The following DAZAP1 variants were observed in gnomAD, a reference collection of about 807,000 sequenced individuals.
DAZAP1 encodes the protein DAZ associated protein 1, also known as DAZ-associated protein 1.
DAZAP1 carries 6 observed loss-of-function variants against 60.1 expected under a neutral mutation model. That is an observed-to-expected ratio of 0.10 (90% CI 0.05 to 0.20). DAZAP1 has a LOEUF of 0.20. DAZAP1 is among the 10% of genes least tolerant of loss of function. The pLI is 1.00. For synonymous variants in DAZAP1, 235 were observed against 215.9 expected, an observed-to-expected ratio of 1.09 and a Z score of -0.78; for missense variants, 366 against 560.4, an observed-to-expected ratio of 0.65 and a Z score of 3.50.
At chr19:1,424,568 C>T (rs1379704127) in intron 6 of DAZAP1, among the ~76,000 whole-genome samples, 1 of 151,886 alleles carries the variant, frequency 6.6e-6, no homozygotes, top group Non-Finnish European at 1.5e-5. Context: ...GCAGCCCTGG[C>T]CCCTGTCTCT....
rs896090356 is a variant in DAZAP1 at position 1,425,149 on chromosome 19, G to A, written c.464-729G>A. Among the ~76,000 whole-genome samples, 20 of 152,290 alleles carry A rather than the reference G, an allele frequency of 1.3e-4. No individual in the cohort carries two copies. Among genetic ancestry groups the A allele is most frequent in the Admixed American group, 1.2e-3 (18 of 15,300 alleles). Reference sequence around the variant, plus strand: ...GTTGTGGCCTGTATCTTTGTGCATTGTTTCTCTACCTGTATAGAACATGCA... The same window carrying A: ...GTTGTGGCCTGTATCTTTGTGCATTATTTCTCTACCTGTATAGAACATGCA... On this transcript the variant is annotated intron_variant, in intron 6 of 11. Transcript: ENST00000233078. This position sits in a 1 kb window ranked among gnomAD's most constrained non-coding sequence, Gnocchi z 5.4.
At position 1,432,673 on chromosome 19, in the gene DAZAP1, TCCCCTA is replaced by T; in HGVS notation, c.1032_1037del (p.Pro345_Tyr346del). 1 of 1,607,578 alleles carries T rather than the reference TCCCCTA, an allele frequency of 6.2e-7. No individual in the cohort carries two copies. The highest frequency in any genetic ancestry group is 2.2e-5 in the East Asian group (1 of 44,814). ...AAGCCCCCGACAGCTCAGCCAGACT[TCCCCTA>T]TGGTCAGTATGGTAAGTGGTCTCCT... On this transcript the variant is annotated inframe_deletion, in exon 11 of 12. Coordinates refer to ENST00000233078, the MANE Select transcript of DAZAP1 (RefSeq NM_018959.4). The surrounding 1 kb of genome is among the most constrained non-coding windows in gnomAD (Gnocchi z 4.9).
intron 10 of DAZAP1, among the ~76,000 whole-genome samples, chr19:1,431,461 CT>C (rs2083450898): frequency 6.6e-6 from 1 of 151,894 alleles, no homozygotes; most frequent in Non-Finnish European, 1.5e-5. Context: ...TGGAGTTTCA[CT>C]TTTGTTGCCC....
In DAZAP1 at chr19:1,432,603, C is replaced by G. The variant is rs371012185; in HGVS notation, c.961C>G (p.Leu321Val). The G allele has an allele frequency of 6.2e-7, 1 of 1,613,732 alleles. No homozygotes were observed. Among genetic ancestry groups the G allele is most frequent in the Non-Finnish European group, 8.5e-7 (1 of 1,180,002 alleles). Residue 321 changes from leucine (L) to valine (V), a missense_variant, in exon 11 of 12, where the codon CTG (leucine) becomes GTG (valine). Around this residue, in one of 3 missense-constraint regions of DAZAP1, gnomAD observed 240 missense variants for 308.8 expected, o/e 0.78. Transcript: ENST00000233078. This position sits in a 1 kb window ranked among gnomAD's most constrained non-coding sequence, Gnocchi z 4.9. ...PPPATPGAAP[L>V]AFPPPPSQAA... ...ACCAGCCACTCCCGGGGCAGCACCTCTGGCTTTCCCACCGCCTCCGTCTCA... is the reference window on the plus strand; with the variant it reads ...ACCAGCCACTCCCGGGGCAGCACCTGTGGCTTTCCCACCGCCTCCGTCTCA...
At position 1,422,593 on chromosome 19, in the gene DAZAP1, G is replaced by T. The variant is rs188565637; in HGVS notation, c.463+197G>T. On this transcript the variant is annotated intron_variant, in intron 6 of 11. Coordinates refer to ENST00000233078, the MANE Select transcript of DAZAP1 (RefSeq NM_018959.4). This position sits in a 1 kb window ranked among gnomAD's most constrained non-coding sequence, Gnocchi z 4.5. Reference sequence around the variant, plus strand: ...CTGTCTGTGCTTCCCGAGGTCAGACGTCACACATTGTTTTTTGGCTTGTTC... The same window carrying T: ...CTGTCTGTGCTTCCCGAGGTCAGACTTCACACATTGTTTTTTGGCTTGTTC... Among the ~76,000 whole-genome samples the T allele has an allele frequency of 4.3e-3, 656 of 152,310 alleles. No individual in the cohort carries two copies. Among genetic ancestry groups the T allele is most frequent in the Non-Finnish European group, 7.2e-3 (490 of 68,020 alleles).
chr19:1,431,834 G>A (rs924880432), intron 10 of DAZAP1, among the ~76,000 whole-genome samples: 5 of 152,264 alleles, frequency 3.3e-5, no homozygotes, highest in Admixed American at 2.0e-4. Flanking sequence ...ACGGCACCGT[G>A]ATCTGATTTC....
At chr19:1,430,106 G>T (rs1569094341) in intron 9 of DAZAP1, 110 bp downstream of exon 9, 1 of 1,566,032 alleles carries the variant, frequency 6.4e-7, no homozygotes, top group African/African-American at 1.4e-5. Context: ...CCTGAGTGCT[G>T]GAGAGGAAGA....
Position 1,434,335 on chromosome 19 carries a change from G to A in DAZAP1, c.1049-402G>A, listed in dbSNP as rs548538502. The A allele has an allele frequency of 1.4e-5, 3 of 212,892 alleles. No homozygotes were observed. The highest frequency in any genetic ancestry group is 7.5e-5 in the South Asian group (1 of 13,286). The allele number at this position is 212,892 out of a possible 1,614,324, so 13.2% of individuals were successfully genotyped here. A position where few individuals can be genotyped will look rare whatever the true frequency, so the allele number is the denominator to read the frequency against. On this transcript the variant is annotated intron_variant, in intron 11 of 11. Transcript: ENST00000233078. This position sits in a 1 kb window ranked among gnomAD's most constrained non-coding sequence, Gnocchi z 8.0. ...AGGCCCTGTATCGCTGCAAGGGCCC[G>A]TCAGGGGTTTTCTGAAACTCCGAGA...
Position 1,428,958 on chromosome 19 carries a change from G to C in DAZAP1, c.663G>C (p.Gln221His), listed in dbSNP as rs779568681. The C allele has an allele frequency of 8.1e-6, 13 of 1,608,208 alleles. No individual in the cohort carries two copies. The East Asian group carries it at 2.7e-4, about 33-fold the overall frequency. Residue 221 changes from glutamine (Q) to histidine (H), a missense_variant, in exon 8 of 12, where the codon CAG (glutamine) becomes CAC (histidine). By Grantham distance (24) the Gln-to-His change is conservative. This residue lies in a region of DAZAP1 where 240 missense variants were observed against 308.8 expected (regional missense o/e 0.78). Coordinates refer to ENST00000233078, the MANE Select transcript of DAZAP1 (RefSeq NM_018959.4). This position sits in a 1 kb window ranked among gnomAD's most constrained non-coding sequence, Gnocchi z 4.0. Reference sequence around the variant, plus strand: ...ACGCTGCCAATGGCTGGGCAGGCCAGCCCCCGCCCACGTGGCAGCAAGGAT... The same window carrying C: ...ACGCTGCCAATGGCTGGGCAGGCCACCCCCCGCCCACGTGGCAGCAAGGAT... ...VPNAANGWAG[Q>H]PPPTWQQGYG...
intron 1 of DAZAP1, among the ~76,000 whole-genome samples, chr19:1,412,826 G>A (rs1300818406): frequency 2.0e-5 from 3 of 152,246 alleles, no homozygotes; most frequent in Non-Finnish European, 2.9e-5. Flanking sequence ...GGCCCTGGGT[G>A]CCAGGCTTGC....
chr19:1,419,364 T>A (rs2083079315), intron 4 of DAZAP1, among the ~76,000 whole-genome samples: 1 of 152,248 alleles, frequency 6.6e-6, no homozygotes, highest in Non-Finnish European at 1.5e-5. Flanking sequence ...CCTGGAGGCC[T>A]GCTGAGGCAC....
Position 1,425,519 on chromosome 19 carries a change from G to A in DAZAP1, c.464-359G>A, listed in dbSNP as rs2083285469. Among the ~76,000 whole-genome samples the A allele has an allele frequency of 6.6e-6, 1 of 152,234 alleles. No homozygotes were observed. The highest frequency in any genetic ancestry group is 6.5e-5 in the Admixed American group (1 of 15,286). On this transcript the variant is annotated intron_variant, in intron 6 of 11. Transcript: ENST00000233078. This position sits in a 1 kb window ranked among gnomAD's most constrained non-coding sequence, Gnocchi z 5.4. ...CCCCTGGGGGGCGCTTTGTCTGCCAGTAGCGATGGAGGCCCTCACCGTTCC... is the reference window on the plus strand; with the variant it reads ...CCCCTGGGGGGCGCTTTGTCTGCCAATAGCGATGGAGGCCCTCACCGTTCC...
chr19:1,408,598 C>T (rs1002194777), intron 1 of DAZAP1, among the ~76,000 whole-genome samples: 1 of 148,174 alleles, frequency 6.7e-6, no homozygotes, highest in Non-Finnish European at 1.5e-5. Flanking sequence ...GGGCTCGGGT[C>T]AGCCGGGGCC....
Position 1,418,310 on chromosome 19 carries a change from A to G in DAZAP1, c.177A>G (p.Lys59=). Residue 59 remains lysine (K), a synonymous_variant, in exon 3 of 12, where the codon AAA becomes AAG. Coordinates refer to ENST00000233078, the MANE Select transcript of DAZAP1 (RefSeq NM_018959.4). The surrounding 1 kb of genome is among the most constrained non-coding windows in gnomAD (Gnocchi z 5.7). ...GAGGCTTTGGGTTTGTCAAATTTAA[A>G]GACCCAAACTGTGTGGGGACGGTGC... ...QSRGFGFVKF[K]DPNCVGTVLA... 1 of 1,614,208 alleles carries G rather than the reference A, an allele frequency of 6.2e-7. No individual in the cohort carries two copies. Among genetic ancestry groups the G allele is most frequent in the Non-Finnish European group, 8.5e-7 (1 of 1,180,036 alleles).
At chr19:1,420,925 T>C (rs2083137688) in intron 4 of DAZAP1, among the ~76,000 whole-genome samples, 1 of 152,240 alleles carries the variant, frequency 6.6e-6, no homozygotes, top group Non-Finnish European at 1.5e-5. Flanking sequence ...AATGTAGCTC[T>C]GCAGAAATGC....
In DAZAP1 at chr19:1,418,411, C is replaced by A; in HGVS notation, c.237+41C>A. On this transcript the variant is annotated intron_variant, in intron 3 of 11. Coordinates refer to ENST00000233078, the MANE Select transcript of DAZAP1 (RefSeq NM_018959.4). The surrounding 1 kb of genome is among the most constrained non-coding windows in gnomAD (Gnocchi z 5.7). ...GGAGCTCACACCCGCTCTCTGTCTCCCCTGTCCTTCCTCTGCTTCATTTTT... is the reference window on the plus strand; with the variant it reads ...GGAGCTCACACCCGCTCTCTGTCTCACCTGTCCTTCCTCTGCTTCATTTTT... The A allele has an allele frequency of 1.2e-6, 2 of 1,600,548 alleles. No individual in the cohort carries two copies. The highest frequency in any genetic ancestry group is 1.7e-5 in the Admixed American group (1 of 59,554).
intron 6 of DAZAP1, among the ~76,000 whole-genome samples, chr19:1,424,214 G>T (rs1006351750): frequency 1.3e-5 from 2 of 151,908 alleles, no homozygotes; most frequent in African/African-American, 2.4e-5. Context: ...CCCTCGGCCC[G>T]CCCGCTCCAG....
chr19:1,409,569 GCTTT>G (rs1456834040), intron 1 of DAZAP1, among the ~76,000 whole-genome samples: 2 of 152,262 alleles, frequency 1.3e-5, no homozygotes, highest in Non-Finnish European at 2.9e-5. Flanking sequence ...AGTGTCCACT[GCTTT>G]CTAAGTCAGA....
At position 1,425,280 on chromosome 19, in the gene DAZAP1, C is replaced by T. The variant is rs1407316494; in HGVS notation, c.464-598C>T. On this transcript the variant is annotated intron_variant, in intron 6 of 11. Transcript: ENST00000233078. The surrounding 1 kb of genome is among the most constrained non-coding windows in gnomAD (Gnocchi z 5.4). ...ATGATAGATACTGTATCTGTTAACG[C>T]TTTAGAACGATATATGGCTGCTGTC... Among the ~76,000 whole-genome samples, 6 of 152,210 alleles carry T rather than the reference C, an allele frequency of 3.9e-5. No individual in the cohort carries two copies. Among genetic ancestry groups the T allele is most frequent in the African/African-American group, 7.2e-5 (3 of 41,454 alleles).
Sources: allele counts gnomAD v4.1 joint callset (sites outside exome capture counted in the v4.1 genomes callset), GRCh38; gene constraint gnomAD v4.1.1; regional missense constraint gnomAD v4.1.1; non-coding constraint Gnocchi (gnomAD v3.1); transcripts MANE v1.5; gene names NCBI Gene and HGNC (gene_info 2026-07-23, HGNC 2026-07-21).